The following RIPOR2 variants were observed in gnomAD, a reference collection of about 807,000 sequenced individuals.
RIPOR2 encodes the protein rho family-interacting cell polarization regulator 2.
In RIPOR2, 39 loss-of-function variants were observed where a neutral mutation model predicts 114.5. The observed-to-expected ratio is 0.34, with a 90% CI of 0.26 to 0.44. RIPOR2 has a LOEUF of 0.44. Ranked by LOEUF, RIPOR2 falls within the 20% of genes least tolerant of loss-of-function variation. The pLI, the probability that RIPOR2 is intolerant of heterozygous loss-of-function variation, is 1.00. For synonymous variants in RIPOR2, 445 were observed against 484.4 expected (o/e 0.92, Z 1.07); for missense variants, 1,007 against 1,255.1 (o/e 0.80, Z 2.99).
intron 1 of RIPOR2, among the ~76,000 whole-genome samples, chr6:24,982,907 C>T (rs984901986): frequency 1.3e-5 from 2 of 152,118 alleles, no homozygotes; most frequent in African/African-American, 4.8e-5. Context: ...TTCTTTTCTT[C>T]CCTGCCTCAC....
chr6:24,845,794 A>G (rs1056851320), intron 12 of RIPOR2, among the ~76,000 whole-genome samples: 1 of 152,144 alleles, frequency 6.6e-6, no homozygotes, highest in Non-Finnish European at 1.5e-5. Flanking sequence ...TGAAAGAGCC[A>G]ATCCTGGAGC....
At chr6:25,000,904 A>G (rs893197177) in intron 1 of RIPOR2, among the ~76,000 whole-genome samples, 1 of 152,240 alleles carries the variant, frequency 6.6e-6, no homozygotes, top group Non-Finnish European at 1.5e-5. Flanking sequence ...GGCAAAGAAC[A>G]TAATTCCTGT....
Position 24,832,338 on chromosome 6 carries a change from C to T in RIPOR2, c.2262G>A (p.Lys754=). The change falls in exon 16 of 22, where the codon AAG becomes AAA. Residue 754 remains lysine (K), a synonymous_variant. Coordinates refer to ENST00000643898, the MANE Select transcript of RIPOR2 (RefSeq NM_001286445.3). ...TPFVARSLLE[K]LSRQIQVMEK... is the part of the protein sequence containing the mutation. Reference sequence around the variant, plus strand: ...CCATCACTTGGATCTGCCTAGAAAGCTTCTCTAAGAGACTTCTTGCCACAA... The same window carrying T: ...CCATCACTTGGATCTGCCTAGAAAGTTTCTCTAAGAGACTTCTTGCCACAA... The T allele has an allele frequency of 6.4e-7, 1 of 1,552,066 alleles. No homozygotes were observed. The highest frequency in any genetic ancestry group is 8.7e-7 in the Non-Finnish European group (1 of 1,147,030).
intron 1 of RIPOR2, among the ~76,000 whole-genome samples, chr6:24,958,953 A>ATTTTTTTTTT (rs552726204): frequency 8.9e-5 from 1 of 11,294 alleles, no homozygotes; most frequent in African/African-American, 2.5e-4. Context: ...CAAGCTCTAC[A>ATTTTTTTTTT]TTTTCTTTTT....
intron 1 of RIPOR2, among the ~76,000 whole-genome samples, chr6:24,887,153 CT>C (rs983103398): frequency 1.6e-4 from 25 of 152,196 alleles, no homozygotes; most frequent in African/African-American, 5.5e-4. Flanking sequence ...AACCTCAAAA[CT>C]TTGAATTACT....
chr6:24,855,023 C>CAAAA (rs71310727), intron 8 of RIPOR2, among the ~76,000 whole-genome samples: 126 of 54,242 alleles, frequency 2.3e-3, no homozygotes, highest in South Asian at 3.7e-3. Flanking sequence ...AACTCCGTCT[C>CAAAA]AAAAAAAAAA....
intron 1 of RIPOR2, among the ~76,000 whole-genome samples, chr6:24,918,031 C>A (rs1330126341): frequency 6.6e-6 from 1 of 152,232 alleles, no homozygotes; most frequent in African/African-American, 2.4e-5. Flanking sequence ...CCATCTCCAT[C>A]TTCTGTCTCC....
intron 1 of RIPOR2, among the ~76,000 whole-genome samples, chr6:24,980,567 T>A (rs1213035639): frequency 6.6e-6 from 1 of 152,148 alleles, no homozygotes; most frequent in Non-Finnish European, 1.5e-5. Flanking sequence ...CTATGGTTTG[T>A]GAATTAGGAA....
chr6:24,931,977 G>C (rs1771428277), intron 1 of RIPOR2: 1 of 152,500 alleles, frequency 6.6e-6, no homozygotes, highest in South Asian at 2.1e-4. Flanking sequence ...ACTGTGCATG[G>C]CCCTTCTTTT....
At chr6:24,990,844 A>G (rs534011578) in intron 1 of RIPOR2, among the ~76,000 whole-genome samples, 34 of 152,362 alleles carry the variant, frequency 2.2e-4, no homozygotes, top group African/African-American at 7.9e-4. Context: ...TGAGATCATA[A>G]ATATACACGA....
chr6:24,987,351 G>A (rs1774574646), intron 1 of RIPOR2, among the ~76,000 whole-genome samples: 1 of 152,190 alleles, frequency 6.6e-6, no homozygotes, highest in Admixed American at 6.5e-5. Flanking sequence ...CACATTGCAT[G>A]GGGTTCTATA....
At chr6:24,810,816 T>C (rs2113626489) in intron 20 of RIPOR2, among the ~76,000 whole-genome samples, 1 of 152,304 alleles carries the variant, frequency 6.6e-6, no homozygotes, top group East Asian at 1.9e-4. Flanking sequence ...TTTCTTTTTT[T>C]TTCTTTGAGA....
intron 1 of RIPOR2, among the ~76,000 whole-genome samples, chr6:24,909,221 A>T (rs1035031030): frequency 1.3e-5 from 2 of 152,090 alleles, no homozygotes; most frequent in Admixed American, 1.3e-4. Context: ...GGGGCTTCAG[A>T]TAGGGGAGTT....
At chr6:25,036,886 T>G (rs187331557) in intron 1 of RIPOR2, among the ~76,000 whole-genome samples, 43 of 152,194 alleles carry the variant, frequency 2.8e-4, no homozygotes, top group Admixed American at 6.5e-5. Flanking sequence ...TCCTGTGTGG[T>G]GTGGTGTAAG....
At chr6:24,818,441 T>C in intron 20 of RIPOR2, 101 bp downstream of exon 20, 2 of 591,096 alleles carry the variant, frequency 3.4e-6, no homozygotes, top group Non-Finnish European at 5.7e-6. Context: ...GAAATACTGC[T>C]AAAAAAGTAC....
upstream of RIPOR2, among the ~76,000 whole-genome samples, chr6:24,940,933 C>T (rs897652769): frequency 2.0e-5 from 3 of 152,144 alleles, no homozygotes; most frequent in East Asian, 3.8e-4. Context: ...GGATTACAGG[C>T]GTGAGCCACT....
chr6:24,874,920 G>A (rs1244812483), intron 2 of RIPOR2, among the ~76,000 whole-genome samples: 3 of 152,188 alleles, frequency 2.0e-5, no homozygotes, highest in Non-Finnish European at 2.9e-5. Context: ...GATACAGCTT[G>A]CAGCGGTAAG....
At chr6:24,996,616 C>G (rs1438980045) in intron 1 of RIPOR2, among the ~76,000 whole-genome samples, 1 of 152,230 alleles carries the variant, frequency 6.6e-6, no homozygotes, top group Non-Finnish European at 1.5e-5. Context: ...TGTGTCCAAC[C>G]ACGCTGATGT....
rs944748026 is a variant in RIPOR2 at position 24,883,414 on chromosome 6, A to C, written c.62-7597T>G. ...GCTGTAGCTGGGGTGACATGCTGGC[A>C]AAAGTAAAAAAATTCCACAATCAAT... is the stretch of plus-strand genomic sequence containing the variant. On this transcript the variant is annotated intron_variant, in intron 1 of 21. Coordinates refer to ENST00000643898, the MANE Select transcript of RIPOR2 (RefSeq NM_001286445.3). The surrounding 1 kb of genome is among the most constrained non-coding windows in gnomAD (Gnocchi z 4.1). Among the ~76,000 whole-genome samples, 1 of 152,244 alleles carries C rather than the reference A, an allele frequency of 6.6e-6. No individual in the cohort carries two copies. Among genetic ancestry groups the C allele is most frequent in the Non-Finnish European group, 1.5e-5 (1 of 68,048 alleles).
Sources: allele counts gnomAD v4.1 joint callset (sites outside exome capture counted in the v4.1 genomes callset), GRCh38; gene constraint gnomAD v4.1.1; non-coding constraint Gnocchi (gnomAD v3.1); transcripts MANE v1.5; gene names NCBI Gene and HGNC (gene_info 2026-07-23, HGNC 2026-07-21).